The following MYOF variants were observed in gnomAD, a reference collection of about 807,000 sequenced individuals.
The protein encoded by MYOF is myoferlin.
A neutral mutation model predicts 284.2 loss-of-function variants in MYOF; 244 were observed. The observed-to-expected ratio is 0.86, with a 90% CI of 0.77 to 0.95. MYOF has a LOEUF of 0.95. MYOF is among the 40% of genes least tolerant of loss of function. MYOF has a pLI of 0.00. For missense variants in MYOF, 2,496 were observed against 2,560.6 expected (o/e 0.97, Z 0.54); for synonymous variants, 904 against 919.7 (o/e 0.98, Z 0.31).
intron 12 of MYOF, among the ~76,000 whole-genome samples, chr10:93,400,217 A>G (rs950569240): frequency 6.6e-6 from 1 of 152,222 alleles, no homozygotes; most frequent in Non-Finnish European, 1.5e-5. Context: ...ATTTGACATA[A>G]TCACAAATAA....
chr10:93,308,583 T>TAAAAA (rs1170569994), intron 53 of MYOF, among the ~76,000 whole-genome samples: 1 of 73,270 alleles, frequency 1.4e-5, no homozygotes, highest in African/African-American at 4.4e-5. Flanking sequence ...AGACTCTGTC[T>TAAAAA]CAAAAAAAAA....
Position 93,310,148 on chromosome 10 carries a change from GGAA to G in MYOF, c.6016_6018del (p.Phe2006del). ...GTCTTGCATGGGTTGGTGAACCAGA[GGAA>G]GGAGGTTTCTGGTCGACTGCATTGC... is the stretch of plus-strand genomic sequence containing the variant. On this transcript the variant is annotated inframe_deletion, in exon 53 of 54. Coordinates refer to ENST00000359263, the MANE Select transcript of MYOF (RefSeq NM_013451.4). 1 of 1,614,140 alleles carries G rather than the reference GGAA, an allele frequency of 6.2e-7. No homozygotes were observed. The highest frequency in any genetic ancestry group is 8.5e-7 in the Non-Finnish European group (1 of 1,180,010).
rs183488728 is a variant in MYOF, at chr10:93,314,783, C to T, written c.5699-1573G>A. Among the ~76,000 whole-genome samples the T allele has an allele frequency of 1.2e-3, 186 of 152,302 alleles. 1 individual carries two copies. Among genetic ancestry groups the T allele is most frequent in the African/African-American group, 4.3e-3 (177 of 41,566 alleles). ...CAAGGGAAGGCCAGGCATGGTGGCT[C>T]ATGCCTGTAATCCCAGCAATATTGG... is the stretch of plus-strand genomic sequence containing the variant. On this transcript the variant is annotated intron_variant, in intron 50 of 53. Coordinates refer to ENST00000359263, the MANE Select transcript of MYOF (RefSeq NM_013451.4).
chr10:93,417,795 C>T (rs913941866), intron 5 of MYOF, among the ~76,000 whole-genome samples: 5 of 152,116 alleles, frequency 3.3e-5, no homozygotes, highest in Non-Finnish European at 7.4e-5. Context: ...GTCACCCTGG[C>T]TGGACTGGGA....
intron 28 of MYOF, among the ~76,000 whole-genome samples, chr10:93,360,275 G>GA (rs1327188360): frequency 6.6e-6 from 1 of 152,236 alleles, no homozygotes; most frequent in East Asian, 1.9e-4. Flanking sequence ...GAGGCAGGAA[G>GA]AAACAGCAGG....
chr10:93,472,081 G>C (rs1020988156), intron 1 of MYOF, among the ~76,000 whole-genome samples: 6 of 152,152 alleles, frequency 3.9e-5, no homozygotes, highest in African/African-American at 1.4e-4. Flanking sequence ...GCTCCTGCGA[G>C]GTGGGCTTTC....
chr10:93,335,571 G>C (rs891354630), intron 41 of MYOF, among the ~76,000 whole-genome samples: 2 of 152,036 alleles, frequency 1.3e-5, no homozygotes, highest in Non-Finnish European at 2.9e-5. Flanking sequence ...CTGTATCTTA[G>C]GATTCAAGGC....
At chr10:93,354,583 C>CATCTAAAA (rs1265045680) in intron 31 of MYOF, among the ~76,000 whole-genome samples, 1 of 151,644 alleles carries the variant, frequency 6.6e-6, no homozygotes, top group Non-Finnish European at 1.5e-5. Context: ...AAACAGTTAA[C>CATCTAAAA]ATCTAAAAGA....
rs1292356273 is a variant in MYOF at position 93,389,081 on chromosome 10, G to A, written c.1530C>T (p.Pro510=). The change falls in exon 18 of 54, where the codon CCC becomes CCT. Residue 510 remains proline, a synonymous_variant. Transcript: ENST00000359263. ...GGTCTGGGAATCCCGTGTACTCTCTGGGGCTTCCATAAAGATTCAGGTAAC... is the reference window on the plus strand; with the variant it reads ...GGTCTGGGAATCCCGTGTACTCTCTAGGGCTTCCATAAAGATTCAGGTAAC... ...GPCYLNLYGS[P]REYTGFPDPY... The A allele has an allele frequency of 4.3e-6, 7 of 1,613,938 alleles. No individual in the cohort carries two copies. The highest frequency in any genetic ancestry group is 1.7e-5 in the Admixed American group (1 of 59,994).
chr10:93,329,921 C>A, intron 43 of MYOF, 87 bp from the exon 44 acceptor site: 2 of 1,405,956 alleles, frequency 1.4e-6, no homozygotes, highest in Non-Finnish European at 2.0e-6. Flanking sequence ...AATTCCCAGG[C>A]TGTGTGTAGT....
intron 1 of MYOF, among the ~76,000 whole-genome samples, chr10:93,470,467 C>T (rs991516447): frequency 3.9e-4 from 59 of 151,332 alleles, no homozygotes; most frequent in African/African-American, 1.3e-3. Flanking sequence ...GTGGCACGAT[C>T]TCGGCTCACT....
chr10:93,416,847 C>G (rs1417568352), intron 5 of MYOF, among the ~76,000 whole-genome samples: 2 of 152,176 alleles, frequency 1.3e-5, no homozygotes, highest in Non-Finnish European at 2.9e-5. Flanking sequence ...ATCCACCCAC[C>G]TCAGTCTCTC....
Position 93,396,251 on chromosome 10 carries a change from T to A in MYOF, c.1335-27A>T. 6.7e-7 allele frequency: 1 copy of A among 1,497,288 alleles called. No individual in the cohort carries two copies. Among genetic ancestry groups the A allele is most frequent in the South Asian group, 1.3e-5 (1 of 79,370 alleles). The allele number at this position is 1,497,288 out of a possible 1,614,324, so 92.8% of individuals were successfully genotyped here. A position where few individuals can be genotyped will look rare whatever the true frequency, so the allele number is the denominator to read the frequency against. On this transcript the variant is annotated intron_variant, in intron 15 of 53. Coordinates refer to ENST00000359263, the MANE Select transcript of MYOF (RefSeq NM_013451.4). ...TGTGTAAAAAATAAAAATAAAAAAATAAAAAATAAAAGGTTCAGAGCTCCA... is the reference window on the plus strand; with the variant it reads ...TGTGTAAAAAATAAAAATAAAAAAAAAAAAAATAAAAGGTTCAGAGCTCCA...
rs765496559 is a variant in MYOF, at chr10:93,408,810, CT to C, written c.705del (p.Gly236GlufsTer16). On this transcript the variant is annotated frameshift_variant, in exon 7 of 54. Coordinates refer to ENST00000359263, the MANE Select transcript of MYOF (RefSeq NM_013451.4). LOFTEE classifies it high-confidence loss of function. ...ACCTCATCAAAAAAAGGGTTGTTTC[CT>C]CTCTTGATTCTTGTTCGGTGTGTCT... Reference protein sequence around the residue: ...CGQTHRTRIKRGNNPFFDELF... With the variant: ...CGQTHRTRIKXGNNPFFDELF... 20 of 1,614,036 alleles carry C rather than the reference CT, an allele frequency of 1.2e-5. No individual in the cohort carries two copies. The African/African-American group carries it at 2.3e-4, about 18-fold the overall frequency.
intron 45 of MYOF, among the ~76,000 whole-genome samples, chr10:93,328,510 T>A (rs886814528): frequency 6.6e-6 from 1 of 152,246 alleles, no homozygotes; most frequent in African/African-American, 2.4e-5. Context: ...AATTAGTTCA[T>A]TACTAGTACT....
At chr10:93,337,508 C>T in intron 40 of MYOF, 1 of 304,458 alleles carries the variant, frequency 3.3e-6, no homozygotes, top group African/African-American at 2.1e-5. Flanking sequence ...TTCTGGGTTT[C>T]CCTGAGTCAA....
intron 43 of MYOF, among the ~76,000 whole-genome samples, chr10:93,331,443 T>C (rs1843294774): frequency 6.6e-6 from 1 of 152,164 alleles, no homozygotes; most frequent in Admixed American, 6.5e-5. Flanking sequence ...AGACTTTTCC[T>C]GCCACTTAAT....
chr10:93,453,847 T>C (rs1200385899), intron 2 of MYOF, among the ~76,000 whole-genome samples: 6 of 151,906 alleles, frequency 3.9e-5, no homozygotes, highest in Non-Finnish European at 5.9e-5. Flanking sequence ...ACTGTGCCAT[T>C]ACACTCTGGC....
chr10:93,389,195 A>G (rs1282472624), intron 17 of MYOF, 41 bp from the exon 18 acceptor site: 2 of 1,584,012 alleles, frequency 1.3e-6, no homozygotes, highest in Non-Finnish European at 8.6e-7. Context: ...GGCTTTTAAC[A>G]TTCAATCTAT....
Sources: allele counts gnomAD v4.1 joint callset (sites outside exome capture counted in the v4.1 genomes callset), GRCh38; gene constraint gnomAD v4.1.1; transcripts MANE v1.5; gene names NCBI Gene and HGNC (gene_info 2026-07-23, HGNC 2026-07-21).